Variants in RAB23 observed in about 807,000 individuals in gnomAD.
The protein encoded by RAB23 is ras-related protein Rab-23.
A neutral mutation model predicts 30.0 loss-of-function variants in RAB23; 15 were observed. That is an observed-to-expected ratio of 0.50 (90% CI 0.33 to 0.77). The LOEUF is 0.77. Ranked by LOEUF, RAB23 falls within the 30% of genes least tolerant of loss-of-function variation. The pLI is 0.02. For missense variants in RAB23, 243 were observed against 275.4 expected, an observed-to-expected ratio of 0.88 and a Z score of 0.83; for synonymous variants, 93 against 94.0, an observed-to-expected ratio of 0.99 and a Z score of 0.06.
intron 1 of RAB23, among the ~76,000 whole-genome samples, chr6:57,218,477 A>T (rs560618844): frequency 6.6e-5 from 10 of 152,372 alleles, no homozygotes; most frequent in African/African-American, 2.4e-4. Flanking sequence ...ATTGATGCAG[A>T]AGAAATATTG....
chr6:57,191,118 T>C (rs1764823287), intron 6 of RAB23, among the ~76,000 whole-genome samples: 1 of 152,196 alleles, frequency 6.6e-6, no homozygotes, highest in African/African-American at 2.4e-5. Flanking sequence ...CTTTCATACA[T>C]CAATGGACAC....
At chr6:57,197,889 C>T (rs1364610357) in intron 3 of RAB23, among the ~76,000 whole-genome samples, 1 of 152,140 alleles carries the variant, frequency 6.6e-6, no homozygotes, top group African/African-American at 2.4e-5. Context: ...ACAGGAGGAG[C>T]CTGCCATCAT....
At chr6:57,217,145 CCAGA>C (rs1765871790) in intron 1 of RAB23, among the ~76,000 whole-genome samples, 1 of 151,390 alleles carries the variant, frequency 6.6e-6, no homozygotes, top group African/African-American at 2.4e-5. Flanking sequence ...AGGGAAATCT[CCAGA>C]CAGAAACTAA....
chr6:57,196,629 T>C, intron 3 of RAB23, 23 bp from the exon 4 acceptor site: 1 of 1,609,086 alleles, frequency 6.2e-7, no homozygotes, highest in Non-Finnish European at 8.5e-7. Context: ...AATCAATCAA[T>C]CAATCAATCA....
intron 3 of RAB23, among the ~76,000 whole-genome samples, chr6:57,201,081 TC>T (rs1178845039): frequency 1.5e-4 from 22 of 146,872 alleles, no homozygotes; most frequent in Admixed American, 8.7e-4. Flanking sequence ...GGATTTTCTC[TC>T]TCTCTTTTTT....
rs1017412390 is a variant in RAB23 at position 57,193,695 on chromosome 6, C to A, written c.574+147G>T. On this transcript the variant is annotated intron_variant, in intron 6 of 6. Transcript: ENST00000468148. The stretch of plus-strand genomic sequence containing the variant: ...AAAAAACCCCCATTAACACAATATA[C>A]CTTTTAACAAGAGACCTGATACTTA... 12 of 1,142,892 alleles carry A rather than the reference C, an allele frequency of 1.0e-5. No homozygotes were observed. In the East Asian group the frequency reaches 1.6e-4, roughly 15 times the overall value. 70.8% of individuals were successfully genotyped at this position (1,142,892 alleles called of 1,614,324 possible). A position where few individuals can be genotyped will look rare whatever the true frequency, so the allele number is the denominator to read the frequency against.
Position 57,210,161 on chromosome 6 carries a change from C to T in RAB23, c.155+65G>A. ...ATCCACTGCAATCAGTTAACTATTACTCCAATGAGTCTTGGATATAGTTCA... is the reference window on the plus strand; with the variant it reads ...ATCCACTGCAATCAGTTAACTATTATTCCAATGAGTCTTGGATATAGTTCA... On this transcript the variant is annotated intron_variant, in intron 2 of 6. Coordinates refer to ENST00000468148, the MANE Select transcript of RAB23 (RefSeq NM_016277.5). The T allele has an allele frequency of 1.3e-6, 2 of 1,532,864 alleles. 1 individual carries two copies. The highest frequency in any genetic ancestry group is 4.5e-5 in the East Asian group (2 of 44,370). 95.0% of individuals were successfully genotyped at this position (1,532,864 alleles called of 1,614,324 possible).
chr6:57,190,210 C>A lies in RAB23; in HGVS notation c.*251G>T. 1 of 423,844 alleles carries A rather than the reference C, an allele frequency of 2.4e-6. No homozygotes were observed. Among genetic ancestry groups the A allele is most frequent in the Non-Finnish European group, 4.3e-6 (1 of 234,258 alleles). The allele number at this position is 423,844 out of a possible 1,614,324, so 26.3% of individuals were successfully genotyped here. The stretch of plus-strand genomic sequence containing the variant: ...AACCTGTGTTTGAAATTTCTTATAG[C>A]ATTCCTTTACAAACAGGAGAAGCTT... On this transcript the variant is annotated 3_prime_UTR_variant, in exon 7 of 7. Transcript: ENST00000468148.
At chr6:57,212,492 T>A (rs1765692274) in intron 1 of RAB23, among the ~76,000 whole-genome samples, 2 of 152,174 alleles carry the variant, frequency 1.3e-5, no homozygotes, top group Admixed American at 1.3e-4. Flanking sequence ...TGGATATACA[T>A]CCCAAGTGAT....
chr6:57,208,646 A>AAAAAAAAAT, intron 2 of RAB23, among the ~76,000 whole-genome samples: 1 of 151,642 alleles, frequency 6.6e-6, no homozygotes. Flanking sequence ...AAAAAAAAAA[A>AAAAAAAAAT]AAAGCGATTT....
At chr6:57,191,290 T>C (rs1764829969) in intron 6 of RAB23, among the ~76,000 whole-genome samples, 1 of 152,170 alleles carries the variant, frequency 6.6e-6, no homozygotes, top group Non-Finnish European at 1.5e-5. Context: ...ATGTTATTAC[T>C]TTTCCTACTT....
In RAB23 at chr6:57,207,645, G is replaced by C. The variant is rs535496318; in HGVS notation, c.224C>G (p.Thr75Arg). 7 of 1,599,502 alleles carry C rather than the reference G, an allele frequency of 4.4e-6. No homozygotes were observed. Among genetic ancestry groups the C allele is most frequent in the Admixed American group, 3.3e-5 (2 of 59,950 alleles). ...TGTTTTACCTCGATAGTAGGCCTTT[G>C]TAATTGCATCAAATTCCTCCTGACC... ...TAGQEEFDAI[T>R]KAYYRGAQAC... The change falls in exon 3 of 7, where the codon ACA (threonine) becomes AGA (arginine). Residue 75 changes from threonine to arginine, a missense_variant. Coordinates refer to ENST00000468148, the MANE Select transcript of RAB23 (RefSeq NM_016277.5).
chr6:57,204,495 G>A (rs1299978885), intron 3 of RAB23, among the ~76,000 whole-genome samples: 1 of 152,014 alleles, frequency 6.6e-6, no homozygotes, highest in Admixed American at 6.6e-5. Context: ...TTCAATACAG[G>A]ATGTTTAAAG....
At chr6:57,211,071 T>A (rs1389092371) in intron 1 of RAB23, among the ~76,000 whole-genome samples, 7 of 152,210 alleles carry the variant, frequency 4.6e-5, no homozygotes, top group African/African-American at 1.7e-4. Flanking sequence ...TAAAATTACT[T>A]TGAGGCTATG....
At chr6:57,205,445 G>C (rs755806341) in intron 3 of RAB23, among the ~76,000 whole-genome samples, 31 of 152,184 alleles carry the variant, frequency 2.0e-4, no homozygotes, top group Non-Finnish European at 3.5e-4. Flanking sequence ...AATGGGGCTG[G>C]GGAGACAAAG....
At chr6:57,217,881 C>T (rs977382936) in intron 1 of RAB23, among the ~76,000 whole-genome samples, 1 of 152,016 alleles carries the variant, frequency 6.6e-6, no homozygotes, top group Non-Finnish European at 1.5e-5. Flanking sequence ...ATACAAATAC[C>T]TAATACCGGG....
intron 1 of RAB23, among the ~76,000 whole-genome samples, chr6:57,214,034 C>T (rs1052511150): frequency 2.6e-5 from 4 of 152,086 alleles, no homozygotes; most frequent in Non-Finnish European, 5.9e-5. Flanking sequence ...CCTGCCCAAC[C>T]ACCACCAAGG....
chr6:57,199,227 C>G (rs922410497), intron 3 of RAB23, among the ~76,000 whole-genome samples: 1 of 152,068 alleles, frequency 6.6e-6, no homozygotes, highest in Non-Finnish European at 1.5e-5. Context: ...ATGCATCCCC[C>G]AAGGGGGAAG....
rs1002043586 is a variant in RAB23 at position 57,210,311 on chromosome 6, T to C, written c.70A>G (p.Ser24Gly). ...CCTTTGCAATATCGCTGAATCATAC[T>C]TGATTTTCCAACTGCTCCATTCCCT... ...VVGNGAVGKS[S>G]MIQRYCKGIF... Residue 24 changes from serine to glycine, a missense_variant, in exon 2 of 7, where the codon AGT (serine) becomes GGT (glycine). Coordinates refer to ENST00000468148, the MANE Select transcript of RAB23 (RefSeq NM_016277.5). 6 of 1,613,952 alleles carry C rather than the reference T, an allele frequency of 3.7e-6. No individual in the cohort carries two copies. The highest frequency in any genetic ancestry group is 5.1e-6 in the Non-Finnish European group (6 of 1,179,798).
Sources: gnomAD v4.1 joint callset for allele counts (sites outside exome capture counted in the v4.1 genomes callset) on GRCh38, gnomAD v4.1.1 for gene constraint, MANE v1.5 for transcripts, NCBI Gene and HGNC (gene_info 2026-07-23, HGNC 2026-07-21) for gene names.